RAB10: variants seen among roughly 807,000 people sequenced by gnomAD.
RAB10 encodes RAB10, member RAS oncogene family.
A neutral mutation model predicts 25.7 loss-of-function variants in RAB10; 5 were observed. That is an observed-to-expected ratio of 0.19 (90% CI 0.10 to 0.41). The LOEUF (loss-of-function observed/expected upper bound fraction) is 0.41, where lower values mean the gene tolerates loss of function less well. RAB10 is among the 10% of genes least tolerant of loss of function. The probability of loss-of-function intolerance (pLI) is 1.00; values close to 1 mark genes in which losing one functional copy is unlikely to be tolerated. For missense variants in RAB10, 103 were observed against 245.8 expected (o/e 0.42, Z 3.89); for synonymous variants, 89 against 86.4 (o/e 1.03, Z -0.16).
intron 3 of RAB10, among the ~76,000 whole-genome samples, chr2:26,121,224 G>A (rs555137186): frequency 2.0e-5 from 3 of 152,078 alleles, no homozygotes; most frequent in Non-Finnish European, 4.4e-5. Flanking sequence ...ATTTTTCTTT[G>A]TTAAGCTTGT....
At chr2:26,081,791 G>A (rs563522180) in intron 1 of RAB10, among the ~76,000 whole-genome samples, 329 of 152,202 alleles carry the variant, frequency 2.2e-3, no homozygotes, top group African/African-American at 7.5e-3. Flanking sequence ...AATGTAAGCC[G>A]CAAGACAATG....
chr2:26,093,446 CATAAT>C (rs771466176), intron 1 of RAB10, among the ~76,000 whole-genome samples: 2 of 152,140 alleles, frequency 1.3e-5, no homozygotes, highest in East Asian at 1.9e-4. Context: ...TTAATTATCT[CATAAT>C]ATATATTTAA....
At position 26,135,056 on chromosome 2, in the gene RAB10, C is replaced by A. The variant is rs1668081284; in HGVS notation, c.*35C>A. On this transcript the variant is annotated 3_prime_UTR_variant, in exon 6 of 6. Transcript: ENST00000264710. ...TGTTCCATCAGTTGCCATCCACTAC[C>A]CCGTTTTCTCTTCTTGCTGCAAAAT... 6.5e-7 allele frequency: 1 copy of A among 1,532,254 alleles called. No homozygotes were observed. Among genetic ancestry groups the A allele is most frequent in the African/African-American group, 1.4e-5 (1 of 72,888 alleles). The allele number at this position is 1,532,254 out of a possible 1,614,324, so 94.9% of individuals were successfully genotyped here.
In RAB10 at chr2:26,137,037, CTT is replaced by C. The variant is rs1000040742; in HGVS notation, c.*2018_*2019del. ...GCATTAGCTTTTTTATTTTAACCCTCTTTAATTCTTATTCAATTCCATGACTT... is the reference window on the plus strand; with the variant it reads ...GCATTAGCTTTTTTATTTTAACCCTCTAATTCTTATTCAATTCCATGACTT... On this transcript the variant is annotated 3_prime_UTR_variant, in exon 6 of 6. Transcript: ENST00000264710. 3.3e-5 allele frequency: 5 copies of C among 152,716 alleles called. No individual in the cohort carries two copies. Among genetic ancestry groups the C allele is most frequent in the African/African-American group, 1.2e-4 (5 of 41,568 alleles). 9.5% of individuals were successfully genotyped at this position (152,716 alleles called of 1,614,324 possible).
At position 26,034,502 on chromosome 2, in the gene RAB10, C is replaced by G; in HGVS notation, c.-107C>G. The G allele has an allele frequency of 6.8e-7, 1 of 1,479,554 alleles. No homozygotes were observed. The highest frequency in any genetic ancestry group is 9.1e-7 in the Non-Finnish European group (1 of 1,093,498). The allele number at this position is 1,479,554 out of a possible 1,614,324, so 91.7% of individuals were successfully genotyped here. On this transcript the variant is annotated 5_prime_UTR_variant, in exon 1 of 6. Coordinates refer to ENST00000264710, the MANE Select transcript of RAB10 (RefSeq NM_016131.5). ...CGCCGTCTCGAGCCTTTTTCCCACG[C>G]TTCCCCGGTCCTCCGGCCTGAGAAC...
chr2:26,105,082 T>TA (rs1186006637), intron 2 of RAB10, among the ~76,000 whole-genome samples: 3 of 152,152 alleles, frequency 2.0e-5, no homozygotes, highest in African/African-American at 7.2e-5. Flanking sequence ...AGGTCCAACT[T>TA]ACTTCTTTTG....
intron 1 of RAB10, among the ~76,000 whole-genome samples, chr2:26,094,960 C>A (rs189317757): frequency 6.6e-6 from 1 of 152,110 alleles, no homozygotes; most frequent in African/African-American, 2.4e-5. Flanking sequence ...TTTTATGTGG[C>A]GTTTAATGTT....
intron 2 of RAB10, among the ~76,000 whole-genome samples, chr2:26,100,890 CAG>C (rs1667326167): frequency 6.6e-6 from 1 of 150,770 alleles, no homozygotes. Context: ...CCTGCCCTGT[CAG>C]AGCTCACACC....
Position 26,134,232 on chromosome 2 carries a change from C to T in RAB10, c.520-706C>T, listed in dbSNP as rs747020288. ...CTGGGCTCAAGTGATCCTCTTGCCTCAGCCTCCTGAGTAGCTGGGACTACA... is the reference window on the plus strand; with the variant it reads ...CTGGGCTCAAGTGATCCTCTTGCCTTAGCCTCCTGAGTAGCTGGGACTACA... On this transcript the variant is annotated intron_variant, in intron 5 of 5. Coordinates refer to ENST00000264710, the MANE Select transcript of RAB10 (RefSeq NM_016131.5). Among the ~76,000 whole-genome samples, 22 of 152,156 alleles carry T rather than the reference C, an allele frequency of 1.4e-4. 1 individual carries two copies. The Middle Eastern group carries it at 0.01, about 71-fold the overall frequency.
intron 1 of RAB10, among the ~76,000 whole-genome samples, chr2:26,079,733 A>T (rs1477452662): frequency 2.0e-5 from 3 of 150,770 alleles, no homozygotes; most frequent in Non-Finnish European, 4.4e-5. Context: ...TGGTGGGATC[A>T]CAACTCACTG....
chr2:26,109,673 A>G (rs1481493491), intron 2 of RAB10, 95 bp from the exon 3 acceptor site: 37 of 1,260,374 alleles, frequency 2.9e-5, no homozygotes, highest in Admixed American at 6.9e-5. Flanking sequence ...AAAAGTTTTT[A>G]TATATACTTA....
chr2:26,059,311 G>A (rs942057160), intron 1 of RAB10, among the ~76,000 whole-genome samples: 1 of 152,228 alleles, frequency 6.6e-6, no homozygotes, highest in African/African-American at 2.4e-5. Flanking sequence ...AGTCCAGTAT[G>A]TGCTAGATAT....
At chr2:26,111,777 C>A (rs1457009054) in intron 3 of RAB10, among the ~76,000 whole-genome samples, 1 of 152,158 alleles carries the variant, frequency 6.6e-6, no homozygotes, top group African/African-American at 2.4e-5. Flanking sequence ...TGGTGTCCTG[C>A]TATTCAATGC....
intron 1 of RAB10, among the ~76,000 whole-genome samples, chr2:26,072,969 G>A (rs1041105501): frequency 1.1e-4 from 16 of 152,174 alleles, no homozygotes; most frequent in Non-Finnish European, 1.6e-4. Context: ...GGAACTTGAG[G>A]AGTGTAAAGG....
At chr2:26,077,970 C>T (rs1218616374) in intron 1 of RAB10, among the ~76,000 whole-genome samples, 1 of 151,796 alleles carries the variant, frequency 6.6e-6, no homozygotes, top group Non-Finnish European at 1.5e-5. Context: ...CAGAACGAGA[C>T]TCCGTCTAAA....
At chr2:26,128,956 AT>A (rs938126710) in intron 5 of RAB10, among the ~76,000 whole-genome samples, 5 of 152,210 alleles carry the variant, frequency 3.3e-5, no homozygotes, top group Admixed American at 2.6e-4. Flanking sequence ...GAAATTTTAA[AT>A]GCAAATAAAT....
chr2:26,098,310 T>C (rs1667271348), intron 1 of RAB10, among the ~76,000 whole-genome samples: 1 of 151,960 alleles, frequency 6.6e-6, no homozygotes. Flanking sequence ...TTAGTATTTT[T>C]GTATTTTTAG....
chr2:26,044,593 T>C (rs1367337560), intron 1 of RAB10, among the ~76,000 whole-genome samples: 2 of 151,782 alleles, frequency 1.3e-5, no homozygotes, highest in Non-Finnish European at 2.9e-5. Flanking sequence ...TTCCCGAGGC[T>C]GGAGTGCAGT....
intron 2 of RAB10, among the ~76,000 whole-genome samples, chr2:26,107,262 AAAAG>A (rs1408784914): frequency 2.0e-5 from 3 of 151,602 alleles, no homozygotes; most frequent in Admixed American, 6.6e-5. Flanking sequence ...AAAAAAAAAA[AAAAG>A]ACTAGGTGAA....
Sources: allele counts gnomAD v4.1 joint callset (sites outside exome capture counted in the v4.1 genomes callset), GRCh38; gene constraint gnomAD v4.1.1; transcripts MANE v1.5; gene names NCBI Gene and HGNC (gene_info 2026-07-23, HGNC 2026-07-21).